The following PLCG2 variants were observed in gnomAD, a reference collection of about 807,000 sequenced individuals.
PLCG2 encodes phospholipase C gamma 2.
In PLCG2, 69 loss-of-function variants were observed where a neutral mutation model predicts 175.6. That is an observed-to-expected ratio of 0.39 (90% confidence interval 0.32 to 0.48). PLCG2 has a LOEUF of 0.48. Ranked by LOEUF, PLCG2 falls within the 20% of genes least tolerant of loss-of-function variation. The pLI is 0.91. For synonymous variants in PLCG2, 827 were observed against 624.0 expected (o/e 1.33, Z -4.85); for missense variants, 1,798 against 1,650.9 (o/e 1.09, Z -1.54).
chr16:81,943,251 T>TTTGA (rs983672549), intron 30 of PLCG2, among the ~76,000 whole-genome samples: 4 of 152,182 alleles, frequency 2.6e-5, no homozygotes, highest in African/African-American at 4.8e-5. Context: ...AGAAAAGAGG[T>TTTGA]TTGATTGGCT....
intron 25 of PLCG2, among the ~76,000 whole-genome samples, chr16:81,932,209 A>G (rs1236252395): frequency 2.0e-5 from 3 of 151,956 alleles, no homozygotes; most frequent in Admixed American, 6.6e-5. Context: ...GAGCTTCTGG[A>G]TAAGAATAGG....
chr16:81,771,656 T>A (rs947390322), intron 2 of PLCG2, among the ~76,000 whole-genome samples: 1 of 152,016 alleles, frequency 6.6e-6, no homozygotes, highest in Non-Finnish European at 1.5e-5. Context: ...TAGGGTACAG[T>A]GGGTTGAATT....
chr16:81,781,483 C>G (rs1468380588), intron 1 of PLCG2, among the ~76,000 whole-genome samples: 1 of 151,858 alleles, frequency 6.6e-6, no homozygotes, highest in Non-Finnish European at 1.5e-5. Flanking sequence ...CATATTGCAT[C>G]TTTGTGCATG....
chr16:81,796,157 C>G (rs1401879362), intron 2 of PLCG2, among the ~76,000 whole-genome samples: 1 of 152,244 alleles, frequency 6.6e-6, no homozygotes, highest in Non-Finnish European at 1.5e-5. Flanking sequence ...GCACTGAGGA[C>G]TTTCCTGTCT....
intron 5 of PLCG2, among the ~76,000 whole-genome samples, chr16:81,867,174 C>G (rs115866157): frequency 1.3e-5 from 2 of 152,206 alleles, no homozygotes; most frequent in Non-Finnish European, 2.9e-5. Flanking sequence ...TCCAGGGCAG[C>G]GGCTGGGCAG....
chr16:81,883,286 A>T lies in PLCG2; in HGVS notation c.710A>T (p.Asp237Val), dbSNP rs763366111. Residue 237 changes from aspartate to valine, a missense_variant, in exon 9 of 33, where the codon GAT becomes GTT. By Grantham distance (152) the Asp-to-Val change is radical. Transcript: ENST00000564138. ...GAGGATAGGAACACTGACAGGCCGGATGCCTCTGCTGTTTACCTGCATGAC... is the reference window on the plus strand; with the variant it reads ...GAGGATAGGAACACTGACAGGCCGGTTGCCTCTGCTGTTTACCTGCATGAC... ...VFILGNTDRP[D>V]ASAVYLHDFQ... 6.2e-7 allele frequency: 1 copy of T among 1,614,134 alleles called. No individual in the cohort carries two copies. The highest frequency in any genetic ancestry group is 8.5e-7 in the Non-Finnish European group (1 of 1,179,988).
At chr16:81,886,997 C>T (rs893145219) in intron 9 of PLCG2, among the ~76,000 whole-genome samples, 1 of 152,100 alleles carries the variant, frequency 6.6e-6, no homozygotes, top group Non-Finnish European at 1.5e-5. Flanking sequence ...TCTTTGCAGC[C>T]AGTCCAGGGC....
chr16:81,764,427 T>C (rs552199174), intron 2 of PLCG2, among the ~76,000 whole-genome samples: 205 of 152,344 alleles, frequency 1.3e-3, no homozygotes, highest in Non-Finnish European at 2.0e-3. Flanking sequence ...GCATGTGGGA[T>C]GGAGGAAGAA....
chr16:81,900,928 C>CTGTG, intron 14 of PLCG2, 148 bp downstream of exon 14: 3 of 664,282 alleles, frequency 4.5e-6, no homozygotes, highest in Non-Finnish European at 7.5e-6. Flanking sequence ...CTTACTAACA[C>CTGTG]TGTGACCTTA....
chr16:81,802,813 C>T (rs1911793565), intron 2 of PLCG2, among the ~76,000 whole-genome samples: 1 of 152,158 alleles, frequency 6.6e-6, no homozygotes, highest in Non-Finnish European at 1.5e-5. Context: ...TCAGGTGATC[C>T]ACCCACCTCA....
At chr16:81,888,594 AGAAACTGTGTGG>A (rs1438430536) in intron 9 of PLCG2, among the ~76,000 whole-genome samples, 1 of 152,222 alleles carries the variant, frequency 6.6e-6, no homozygotes, top group Non-Finnish European at 1.5e-5. Context: ...AATGCTTCAC[AGAAACTGTGTGG>A]TAGATACTCT....
chr16:81,773,113 AG>A (rs1423927057), intron 2 of PLCG2, among the ~76,000 whole-genome samples: 5 of 152,196 alleles, frequency 3.3e-5, no homozygotes, highest in African/African-American at 1.2e-4. Flanking sequence ...GAGGCAGAGC[AG>A]GCTTTGTGAC....
intron 1 of PLCG2, among the ~76,000 whole-genome samples, chr16:81,755,216 A>G (rs1909896870): frequency 6.6e-6 from 1 of 151,768 alleles, no homozygotes; most frequent in African/African-American, 2.4e-5. Flanking sequence ...ATATTTTTTG[A>G]GACAAGGCCT....
At chr16:81,802,450 CT>C (rs1489895432) in intron 2 of PLCG2, among the ~76,000 whole-genome samples, 2 of 151,738 alleles carry the variant, frequency 1.3e-5, no homozygotes, top group African/African-American at 2.4e-5. Context: ...GTACTTCCAG[CT>C]TTTGCTACCA....
rs150670587 is a variant in PLCG2, at chr16:81,750,039, C to T, written c.-144-5831C>T. On this transcript the variant is annotated intron_variant, in intron 1 of 5. Coordinates refer to the PLCG2 transcript ENST00000565054. ...AAAACAACAGTAGAATAATATGATC[C>T]CATTGTGAAAAAAAAAAAGTTAAAA... Among the ~76,000 whole-genome samples the T allele has an allele frequency of 8.3e-3, 1,253 of 151,770 alleles. 16 individuals are homozygous for T. The highest frequency in any genetic ancestry group is 0.028 in the African/African-American group (1,169 of 41,344).
At chr16:81,834,231 C>T (rs188425155) in intron 2 of PLCG2, among the ~76,000 whole-genome samples, 1 of 152,166 alleles carries the variant, frequency 6.6e-6, no homozygotes, top group Non-Finnish European at 1.5e-5. Flanking sequence ...GAGGTCAACT[C>T]TGACACCTAT....
rs1326873954 is a variant in PLCG2, at chr16:81,790,845, G to T, written c.193+4663G>T. Among the ~76,000 whole-genome samples the T allele has an allele frequency of 3.9e-5, 6 of 152,084 alleles. No homozygotes were observed. The South Asian group carries it at 1.0e-3, about 26-fold the overall frequency. On this transcript the variant is annotated intron_variant, in intron 2 of 32. Transcript: ENST00000564138. ...TTGATTTTCTCACCTGGGATACAGG[G>T]TGCTACTGGCATCTAGTGTGTAGAG...
chr16:81,816,651 A>AT (rs71146047), intron 2 of PLCG2, among the ~76,000 whole-genome samples: 2 of 108,856 alleles, frequency 1.8e-5, no homozygotes, highest in Non-Finnish European at 3.4e-5. Context: ...GCTAATTTTA[A>AT]TTTTTTTTTT....
At chr16:81,743,864 T>G (rs1044401840) in intron 1 of PLCG2, among the ~76,000 whole-genome samples, 25 of 135,012 alleles carry the variant, frequency 1.9e-4, no homozygotes, top group Non-Finnish European at 3.9e-4. Context: ...TTTTTCTTTT[T>G]CTTTTTTTTT....
Sources: allele counts gnomAD v4.1 joint callset (sites outside exome capture counted in the v4.1 genomes callset), GRCh38; gene constraint gnomAD v4.1.1; transcripts MANE v1.5; gene names NCBI Gene and HGNC (gene_info 2026-07-23, HGNC 2026-07-21).